The following CALN1 variants were observed in gnomAD, a reference collection of about 807,000 sequenced individuals.
CALN1 encodes calcium-binding protein 8.
Under a neutral mutation model 30.6 loss-of-function variants are expected in CALN1, and 17 were observed. That is an observed-to-expected ratio of 0.56 (90% CI 0.38 to 0.83). CALN1 has a LOEUF of 0.83. Ranked by LOEUF, CALN1 falls within the 40% of genes least tolerant of loss-of-function variation. The pLI is 0.00. For missense variants in CALN1, 291 were observed against 354.9 expected (o/e 0.82, Z 1.45); for synonymous variants, 156 against 131.4 (o/e 1.19, Z -1.28).
At chr7:71,904,562 A>C (rs1038797989) in intron 5 of CALN1, among the ~76,000 whole-genome samples, 5 of 152,124 alleles carry the variant, frequency 3.3e-5, no homozygotes, top group Non-Finnish European at 7.4e-5. Context: ...GGAGAAGGAG[A>C]TGGGGAGATA....
intron 4 of CALN1, among the ~76,000 whole-genome samples, chr7:72,096,031 C>T (rs1297861360): frequency 1.4e-5 from 2 of 146,508 alleles, no homozygotes; most frequent in South Asian, 2.2e-4. Flanking sequence ...AGAGCGAGAC[C>T]TTGTCTCTAA....
chr7:71,982,774 A>G lies in CALN1; in HGVS notation c.501+40883T>C, dbSNP rs561353506. 4.6e-5 allele frequency among the ~76,000 whole-genome samples: 7 copies of G among 152,310 alleles called. 1 individual carries two copies. The South Asian group carries it at 1.4e-3, about 32-fold the overall frequency. ...TTCAGTGGAAAGCAGCCCCCAAATCATTTCCTTTTCTAACAAACAGCAGCC... is the reference window on the plus strand; with the variant it reads ...TTCAGTGGAAAGCAGCCCCCAAATCGTTTCCTTTTCTAACAAACAGCAGCC... On this transcript the variant is annotated intron_variant, in intron 5 of 6. Transcript: ENST00000395275.
intron 3 of CALN1, among the ~76,000 whole-genome samples, chr7:72,186,970 G>T (rs1312899980): frequency 1.4e-5 from 2 of 141,136 alleles, no homozygotes; most frequent in Non-Finnish European, 3.0e-5. Context: ...TCTGTAAGAT[G>T]ATATTATGAG....
At chr7:72,133,302 T>C (rs191699772) in intron 3 of CALN1, among the ~76,000 whole-genome samples, 1 of 152,300 alleles carries the variant, frequency 6.6e-6, no homozygotes, top group East Asian at 1.9e-4. Context: ...GCCAAAAGGA[T>C]TTAAGAACCA....
chr7:72,271,562 T>A (rs1416554817), intron 3 of CALN1, among the ~76,000 whole-genome samples: 1 of 26,560 alleles, frequency 3.8e-5, no homozygotes, highest in Non-Finnish European at 5.5e-5. Context: ...GTGCCTGCCT[T>A]TTAAAAAAAA....
chr7:71,933,818 T>C lies in CALN1; in HGVS notation c.501+89839A>G, dbSNP rs1336432372. Among the ~76,000 whole-genome samples the C allele has an allele frequency of 3.3e-5, 5 of 152,182 alleles. No homozygotes were observed. The South Asian group carries it at 1.0e-3, about 31-fold the overall frequency. On this transcript the variant is annotated intron_variant, in intron 5 of 6. Coordinates refer to ENST00000395275, the MANE Select transcript of CALN1 (RefSeq NM_031468.4). ...TATCATAAGTCACACGGTCCTGCTGTGCTAGGTTCGGAGCAGTATTGATAA... is the reference window on the plus strand; with the variant it reads ...TATCATAAGTCACACGGTCCTGCTGCGCTAGGTTCGGAGCAGTATTGATAA...
At chr7:71,800,612 G>A (rs781434556) in intron 6 of CALN1, among the ~76,000 whole-genome samples, 13 of 152,030 alleles carry the variant, frequency 8.6e-5, no homozygotes, top group South Asian at 2.1e-4. Flanking sequence ...GCTTCTACTC[G>A]ACTTCCAAAT....
chr7:72,365,897 C>T (rs765111927), intron 2 of CALN1, among the ~76,000 whole-genome samples: 5 of 152,112 alleles, frequency 3.3e-5, no homozygotes, highest in Admixed American at 6.5e-5. Flanking sequence ...CTAAATTATA[C>T]TTCATCATTT....
intron 2 of CALN1, among the ~76,000 whole-genome samples, chr7:72,306,137 T>A (rs1255701698): frequency 6.6e-6 from 1 of 152,106 alleles, no homozygotes; most frequent in Non-Finnish European, 1.5e-5. Flanking sequence ...GACACTGGTA[T>A]AACATGACAA....
At chr7:71,998,382 T>C (rs1799357487) in intron 5 of CALN1, among the ~76,000 whole-genome samples, 1 of 152,032 alleles carries the variant, frequency 6.6e-6, no homozygotes, top group Non-Finnish European at 1.5e-5. Context: ...ATTGTGTAAA[T>C]TATATTTAAT....
intron 2 of CALN1, among the ~76,000 whole-genome samples, chr7:72,283,009 C>A (rs1007464612): frequency 2.7e-5 from 4 of 147,916 alleles, no homozygotes; most frequent in African/African-American, 7.5e-5. Context: ...GAGCCGAGAT[C>A]GTGCCACTGC....
At chr7:72,103,265 T>C (rs10254309) in intron 4 of CALN1, 41,459 of 171,844 alleles carry the variant, frequency 0.24, 6,312 homozygotes, top group East Asian at 0.7. Flanking sequence ...ACCATCGATA[T>C]CCTGGAAGAC....
At chr7:72,390,298 G>C (rs1246910999) in intron 2 of CALN1, among the ~76,000 whole-genome samples, 2 of 152,020 alleles carry the variant, frequency 1.3e-5, no homozygotes, top group Non-Finnish European at 2.9e-5. Flanking sequence ...GGGCATGGTG[G>C]CAGGCACCTG....
At chr7:72,075,193 C>G (rs933774291) in intron 4 of CALN1, among the ~76,000 whole-genome samples, 1 of 152,212 alleles carries the variant, frequency 6.6e-6, no homozygotes, top group African/African-American at 2.4e-5. Context: ...AGAACTTCAA[C>G]TGGTAAGATG....
intron 3 of CALN1, among the ~76,000 whole-genome samples, chr7:72,186,382 G>A (rs1268594713): frequency 6.6e-6 from 1 of 152,086 alleles, no homozygotes; most frequent in Non-Finnish European, 1.5e-5. Flanking sequence ...AAGAGTGGAA[G>A]TGGCAAAGCA....
intron 5 of CALN1, among the ~76,000 whole-genome samples, chr7:71,892,625 C>CA (rs146721851): frequency 0.015 from 2,288 of 151,898 alleles, 62 homozygotes; most frequent in African/African-American, 0.053. Flanking sequence ...CATTTCCCCC[C>CA]AAAAAAAATC....
chr7:71,997,410 T>A (rs1000951317), intron 5 of CALN1, among the ~76,000 whole-genome samples: 5 of 151,908 alleles, frequency 3.3e-5, no homozygotes, highest in Non-Finnish European at 7.4e-5. Flanking sequence ...AGAAAATAGA[T>A]GAAATGATAT....
intron 2 of CALN1, among the ~76,000 whole-genome samples, chr7:72,307,449 G>A (rs1015775797): frequency 1.3e-5 from 2 of 152,188 alleles, no homozygotes; most frequent in African/African-American, 4.8e-5. Flanking sequence ...CGCAAGAGAG[G>A]TCAGTTCATT....
At chr7:72,389,044 G>C (rs1331014528) in intron 2 of CALN1, among the ~76,000 whole-genome samples, 4 of 152,150 alleles carry the variant, frequency 2.6e-5, no homozygotes, top group Admixed American at 2.6e-4. Context: ...GCTTCCTTCA[G>C]TTACCATAAA....
Sources: allele counts gnomAD v4.1 joint callset (sites outside exome capture counted in the v4.1 genomes callset), GRCh38; gene constraint gnomAD v4.1.1; transcripts MANE v1.5; gene names NCBI Gene and HGNC (gene_info 2026-07-23, HGNC 2026-07-21).